Variants in TMEM117 observed in about 807,000 individuals in gnomAD.
TMEM117 encodes the protein transmembrane protein 117.
A neutral mutation model predicts 52.4 loss-of-function variants in TMEM117; 27 were observed. The ratio of observed to expected loss-of-function variants is 0.51; its 90% CI spans 0.38 to 0.71. TMEM117 has a LOEUF of 0.71. Ranked by LOEUF, TMEM117 falls within the 30% of genes least tolerant of loss-of-function variation. The probability of loss-of-function intolerance (pLI) is 0.00; values close to 1 mark genes in which losing one functional copy is unlikely to be tolerated. For synonymous variants in TMEM117, 215 were observed against 206.3 expected (o/e 1.04, Z -0.36); for missense variants, 556 against 630.5 (o/e 0.88, Z 1.26).
At chr12:44,164,731 G>A (rs1948941982) in intron 4 of TMEM117, among the ~76,000 whole-genome samples, 1 of 152,148 alleles carries the variant, frequency 6.6e-6, no homozygotes, top group Admixed American at 6.6e-5. Flanking sequence ...GAGGCAGAAG[G>A]TGTGAGCCTG....
At chr12:44,218,695 A>G (rs1949751143) in intron 5 of TMEM117, among the ~76,000 whole-genome samples, 1 of 152,204 alleles carries the variant, frequency 6.6e-6, no homozygotes, top group African/African-American at 2.4e-5. Context: ...CATTTAACCT[A>G]TCAGACATAT....
At chr12:43,856,999 G>A (rs1411161591) in intron 2 of TMEM117, among the ~76,000 whole-genome samples, 4 of 152,282 alleles carry the variant, frequency 2.6e-5, no homozygotes, top group Non-Finnish European at 5.9e-5. Context: ...ATTACTTTGT[G>A]TTCCTGTTAT....
intron 6 of TMEM117, among the ~76,000 whole-genome samples, chr12:44,344,843 A>T (rs1951463699): frequency 6.6e-6 from 1 of 152,022 alleles, no homozygotes; most frequent in African/African-American, 2.4e-5. Flanking sequence ...GAGATCCTGG[A>T]TAGGAAAAGG....
At chr12:43,917,364 A>C (rs1380169203) in intron 2 of TMEM117, among the ~76,000 whole-genome samples, 1 of 152,194 alleles carries the variant, frequency 6.6e-6, no homozygotes, top group African/African-American at 2.4e-5. Context: ...CTAAAAACAA[A>C]GAAAGAATGC....
chr12:43,950,165 A>G (rs1184178900), intron 3 of TMEM117, among the ~76,000 whole-genome samples: 1 of 152,220 alleles, frequency 6.6e-6, no homozygotes, highest in African/African-American at 2.4e-5. Context: ...AAAAGGAAGA[A>G]ACTGAGGCAA....
chr12:43,889,182 A>C (rs1944056286), intron 2 of TMEM117, among the ~76,000 whole-genome samples: 1 of 151,446 alleles, frequency 6.6e-6, no homozygotes, highest in African/African-American at 2.4e-5. Flanking sequence ...TCCCGGGTAC[A>C]AGCAATTCTC....
intron 5 of TMEM117, among the ~76,000 whole-genome samples, chr12:44,231,321 G>A (rs369728965): frequency 6.7e-6 from 1 of 150,098 alleles, no homozygotes; most frequent in Non-Finnish European, 1.5e-5. Context: ...CTCTAGTTTC[G>A]TTTTCATTAT....
At chr12:44,330,306 A>G (rs776604641) in intron 6 of TMEM117, among the ~76,000 whole-genome samples, 12 of 152,084 alleles carry the variant, frequency 7.9e-5, no homozygotes, top group Middle Eastern at 3.4e-3. Context: ...TTTCTAAGTT[A>G]TTTGGGGCTG....
chr12:44,229,648 T>G (rs1949908528), intron 5 of TMEM117, among the ~76,000 whole-genome samples: 1 of 152,114 alleles, frequency 6.6e-6, no homozygotes, highest in African/African-American at 2.4e-5. Flanking sequence ...TGGAAGACTT[T>G]CCCTCTCATT....
At chr12:44,336,776 G>A (rs1447639130) in intron 6 of TMEM117, among the ~76,000 whole-genome samples, 1 of 151,836 alleles carries the variant, frequency 6.6e-6, no homozygotes, top group African/African-American at 2.4e-5. Flanking sequence ...CTTTATAAAT[G>A]ATTAAGTCTA....
intron 3 of TMEM117, among the ~76,000 whole-genome samples, chr12:44,058,143 A>ATT (rs113163881): frequency 1.5e-4 from 23 of 149,620 alleles, no homozygotes; most frequent in Admixed American, 4.0e-4. Context: ...TAGAAAATAG[A>ATT]TTTTTTTTTT....
At chr12:44,176,361 T>A (rs1949116501) in intron 4 of TMEM117, among the ~76,000 whole-genome samples, 1 of 152,176 alleles carries the variant, frequency 6.6e-6, no homozygotes, top group Non-Finnish European at 1.5e-5. Flanking sequence ...GAGTGAATAA[T>A]ACATCTCTGT....
Position 44,202,493 on chromosome 12 carries a change from C to T in TMEM117, c.511-8797C>T, listed in dbSNP as rs545850402. Among the ~76,000 whole-genome samples the T allele has an allele frequency of 4.6e-5, 7 of 152,220 alleles. 1 individual carries two copies. In the East Asian group the frequency reaches 1.4e-3, roughly 29 times the overall value. On this transcript the variant is annotated intron_variant, in intron 4 of 7. Transcript: ENST00000266534. ...CCAAACTTGCATCCTAGGAATAAAG[C>T]CTACTTGATTGTGGCGGATTAGCTT...
intron 3 of TMEM117, among the ~76,000 whole-genome samples, chr12:44,116,137 T>C (rs1294785361): frequency 3.9e-5 from 6 of 152,368 alleles, no homozygotes; most frequent in Admixed American, 3.9e-4. Flanking sequence ...TTTCAATTCT[T>C]AATTTTCTCT....
rs575390572 is a variant in TMEM117 at position 43,852,529 on chromosome 12, G to T, written c.277+7601G>T. 2.0e-5 allele frequency among the ~76,000 whole-genome samples: 3 copies of T among 152,214 alleles called. No individual in the cohort carries two copies. In the East Asian group the frequency reaches 5.8e-4, roughly 29 times the overall value. On this transcript the variant is annotated intron_variant, in intron 2 of 7. Transcript: ENST00000266534. ...AGGCAGCAAAATCACTTGAACCCAG[G>T]AGGCAGAGGTTGCAGTGAGCTGAGA...
intron 2 of TMEM117, among the ~76,000 whole-genome samples, chr12:43,942,370 A>T (rs1249406981): frequency 1.3e-5 from 2 of 152,190 alleles, no homozygotes; most frequent in Non-Finnish European, 2.9e-5. Flanking sequence ...ATATTTTTTT[A>T]ATATTCTTGT....
chr12:44,150,722 T>G (rs1948710040), intron 4 of TMEM117, among the ~76,000 whole-genome samples: 1 of 152,140 alleles, frequency 6.6e-6, no homozygotes, highest in Non-Finnish European at 1.5e-5. Context: ...AAATAATAAG[T>G]TCCAGCTAAA....
the TMEM117 span, among the ~76,000 whole-genome samples, chr12:43,813,233 T>G: frequency 2.2e-5 from 2 of 89,036 alleles, no homozygotes; most frequent in Non-Finnish European, 4.4e-5. Context: ...TTTCTCTTGT[T>G]TTTTTTTTTT....
At position 43,987,249 on chromosome 12, in the gene TMEM117, C is replaced by T. The variant is rs571070922; in HGVS notation, c.410+42907C>T. ...AAGGAGAGAGCCTCAGAAGAAACCA[C>T]ACCTGCCAACACCTTGATCTCAGAC... On this transcript the variant is annotated intron_variant, in intron 3 of 7. Transcript: ENST00000266534. Among the ~76,000 whole-genome samples the T allele has an allele frequency of 3.3e-5, 5 of 152,304 alleles. No homozygotes were observed. In the South Asian group the frequency reaches 8.3e-4, roughly 25 times the overall value.
Sources: gnomAD v4.1 joint callset for allele counts (sites outside exome capture counted in the v4.1 genomes callset) on GRCh38, gnomAD v4.1.1 for gene constraint, MANE v1.5 for transcripts, NCBI Gene and HGNC (gene_info 2026-07-23, HGNC 2026-07-21) for gene names.